Variants in FHIT observed in about 807,000 individuals in gnomAD.
FHIT encodes the protein fragile histidine triad diadenosine triphosphatase.
Under a neutral mutation model 17.9 loss-of-function variants are expected in FHIT, and 19 were observed. That is an observed-to-expected ratio of 1.06 (90% CI 0.74 to 1.56). The LOEUF (loss-of-function observed/expected upper bound fraction) is 1.56, where lower values mean the gene tolerates loss of function less well. Among genes scored for constraint, FHIT ranks in the 40% most tolerant of loss-of-function variants. The pLI is 0.00. For missense variants in FHIT, 248 were observed against 189.2 expected (o/e 1.31, Z -1.82); for synonymous variants, 81 against 69.7 (o/e 1.16, Z -0.81).
chr3:60,829,946 T>C (rs1222105913), intron 3 of FHIT, among the ~76,000 whole-genome samples: 4 of 149,642 alleles, frequency 2.7e-5, no homozygotes, highest in Non-Finnish European at 6.0e-5. Flanking sequence ...TCTCCCTTTC[T>C]GTACCAGGAA....
At chr3:60,298,378 A>C (rs539350535) in intron 5 of FHIT, among the ~76,000 whole-genome samples, 56 of 152,188 alleles carry the variant, frequency 3.7e-4, no homozygotes, top group Non-Finnish European at 7.1e-4. Flanking sequence ...CAGTTATCAT[A>C]TTAGCATTAA....
chr3:59,802,554 C>T (rs1575519924), intron 8 of FHIT, among the ~76,000 whole-genome samples: 1 of 152,154 alleles, frequency 6.6e-6, no homozygotes. Flanking sequence ...CCCTGCCCAC[C>T]AGAGAACAAC....
intron 3 of FHIT, among the ~76,000 whole-genome samples, chr3:60,945,790 A>G (rs1304117392): frequency 6.6e-6 from 1 of 152,232 alleles, no homozygotes; most frequent in African/African-American, 2.4e-5. Context: ...CTCCAGTGAA[A>G]TAAGAAGTGA....
At chr3:60,548,660 TGA>T (rs1455814996) in intron 4 of FHIT, among the ~76,000 whole-genome samples, 2 of 152,294 alleles carry the variant, frequency 1.3e-5, no homozygotes, top group African/African-American at 4.8e-5. Flanking sequence ...CAGCATCACT[TGA>T]GAGTTGTAAG....
intron 2 of FHIT, among the ~76,000 whole-genome samples, chr3:61,128,909 A>T (rs186999138): frequency 1.3e-5 from 2 of 152,128 alleles, no homozygotes; most frequent in Admixed American, 1.3e-4. Flanking sequence ...TGGACCCTAT[A>T]CATGCTTCCT....
intron 8 of FHIT, among the ~76,000 whole-genome samples, chr3:59,822,632 CT>C (rs1700836591): frequency 6.6e-6 from 1 of 151,252 alleles, no homozygotes; most frequent in Admixed American, 6.6e-5. Flanking sequence ...CCTTAGCCCA[CT>C]TTTTGATGGG....
chr3:61,005,439 T>C (rs1428823959), intron 3 of FHIT, among the ~76,000 whole-genome samples: 1 of 151,384 alleles, frequency 6.6e-6, no homozygotes, highest in Non-Finnish European at 1.5e-5. Context: ...GTACTGGTGA[T>C]GGTGATGGTG....
At chr3:60,658,771 A>G (rs797031628) in intron 4 of FHIT, among the ~76,000 whole-genome samples, 41 of 151,672 alleles carry the variant, frequency 2.7e-4, no homozygotes, top group African/African-American at 9.6e-4. Flanking sequence ...ATCATGTAGA[A>G]AAAAAATGGA....
intron 3 of FHIT, among the ~76,000 whole-genome samples, chr3:61,031,063 T>C (rs553678568): frequency 6.6e-6 from 1 of 152,202 alleles, no homozygotes; most frequent in Non-Finnish European, 1.5e-5. Context: ...AGCAGACAGG[T>C]AACATGCTTC....
intron 4 of FHIT, among the ~76,000 whole-genome samples, chr3:60,643,418 G>T (rs1193724014): frequency 2.0e-5 from 3 of 151,846 alleles, no homozygotes; most frequent in African/African-American, 4.8e-5. Flanking sequence ...AATTCATATG[G>T]AACCAAAAAA....
At chr3:61,170,472 C>T (rs1014647932) in intron 2 of FHIT, among the ~76,000 whole-genome samples, 2 of 151,948 alleles carry the variant, frequency 1.3e-5, no homozygotes, top group African/African-American at 4.8e-5. Context: ...ATTTCATTAC[C>T]CACATGTTAA....
chr3:60,485,099 T>A (rs2033778563), intron 5 of FHIT, among the ~76,000 whole-genome samples: 1 of 152,036 alleles, frequency 6.6e-6, no homozygotes, highest in African/African-American at 2.4e-5. Flanking sequence ...AAAACCATAA[T>A]GAGATACCAT....
At chr3:60,179,197 TCTCTAGTAGGTATC>T (rs1701814565) in intron 5 of FHIT, among the ~76,000 whole-genome samples, 2 of 152,170 alleles carry the variant, frequency 1.3e-5, no homozygotes, top group South Asian at 4.1e-4. Context: ...CCGCAACAAT[TCTCTAGTAGGTATC>T]ATTATTCTCT....
At chr3:60,472,165 A>G (rs986481158) in intron 5 of FHIT, among the ~76,000 whole-genome samples, 3 of 152,130 alleles carry the variant, frequency 2.0e-5, no homozygotes, top group Middle Eastern at 3.4e-3. Flanking sequence ...GTTAAAAAAA[A>G]AAAAGAGCAA....
chr3:60,055,448 C>T (rs114240412), intron 5 of FHIT, among the ~76,000 whole-genome samples: 28 of 143,126 alleles, frequency 2.0e-4, no homozygotes, highest in East Asian at 4.1e-4. Context: ...GATGGACTTT[C>T]TTTTTTTTTT....
intron 3 of FHIT, among the ~76,000 whole-genome samples, chr3:60,974,859 A>G (rs980261853): frequency 6.6e-6 from 1 of 152,162 alleles, no homozygotes; most frequent in African/African-American, 2.4e-5. Context: ...ACATAGCCCC[A>G]TTCTTGAAGT....
chr3:61,019,912 AC>A (rs1382331352), intron 3 of FHIT, among the ~76,000 whole-genome samples: 1 of 151,034 alleles, frequency 6.6e-6, no homozygotes, highest in Non-Finnish European at 1.5e-5. Flanking sequence ...CATGTGTAGA[AC>A]GTGCGGGTTT....
At chr3:61,014,993 C>T (rs557687321) in intron 3 of FHIT, among the ~76,000 whole-genome samples, 59 of 150,766 alleles carry the variant, frequency 3.9e-4, no homozygotes, top group Non-Finnish European at 3.0e-4. Flanking sequence ...AAAAGGTATG[C>T]GTAAAAAGGA....
chr3:59,791,920 G>T (rs1321586610), intron 8 of FHIT, among the ~76,000 whole-genome samples: 1 of 152,116 alleles, frequency 6.6e-6, no homozygotes, highest in Non-Finnish European at 1.5e-5. Context: ...AGTAGCTTAC[G>T]GCAGCTAAGA....
Sources: gnomAD v4.1 joint callset for allele counts (sites outside exome capture counted in the v4.1 genomes callset) on GRCh38, gnomAD v4.1.1 for gene constraint, MANE v1.5 for transcripts, NCBI Gene and HGNC (gene_info 2026-07-23, HGNC 2026-07-21) for gene names.